Variants in SLC22A14 observed in about 807,000 individuals in gnomAD.
SLC22A14 encodes organic cation transporter-like 4.
SLC22A14 carries 50 observed loss-of-function variants against 53.9 expected under a neutral mutation model. The observed-to-expected ratio is 0.93, with a 90% CI of 0.74 to 1.17. The LOEUF (loss-of-function observed/expected upper bound fraction) is 1.17, where lower values mean the gene tolerates loss of function less well. SLC22A14 is among the 50% of genes most tolerant of loss of function. The pLI, the probability that SLC22A14 is intolerant of heterozygous loss-of-function variation, is 0.00. For missense variants in SLC22A14, 671 were observed against 734.7 expected (o/e 0.91, Z 1.00); for synonymous variants, 312 against 303.0 (o/e 1.03, Z -0.31).
rs1283193965 is a variant in SLC22A14 at position 38,306,188 on chromosome 3, C to T, written c.162C>T (p.Asn54=). 3 of 1,614,070 alleles carry T rather than the reference C, an allele frequency of 1.9e-6. No homozygotes were observed. The highest frequency in any genetic ancestry group is 2.2e-5 in the East Asian group (1 of 44,900). Residue 54 remains asparagine, a synonymous_variant, in exon 2 of 11, where the codon AAC becomes AAT. Transcript: ENST00000448498. ...CCAAGCAGGATGACAAGTTTGCCAA[C>T]CTCCTGGATGCGGTGGGGGAGTTTG... ...VHTKQDDKFA[N]LLDAVGEFGT...
chr3:38,309,256 T>C, intron 5 of SLC22A14, 134 bp downstream of exon 5: 1 of 766,986 alleles, frequency 1.3e-6, no homozygotes, highest in Non-Finnish European at 2.2e-6. Context: ...TGGGATGAGA[T>C]AGGAAGGCAC....
rs569710336 is a variant in SLC22A14 at position 38,286,985 on chromosome 3, C to T, written c.-1+4646C>T. 8.5e-5 allele frequency among the ~76,000 whole-genome samples: 13 copies of T among 152,258 alleles called. No individual in the cohort carries two copies. In the South Asian group the frequency reaches 2.7e-3, roughly 32 times the overall value. On this transcript the variant is annotated intron_variant, in intron 1 of 10. Transcript: ENST00000448498. Reference sequence around the variant, plus strand: ...CTCCTGACCTCAGGTGATCCACCCACCTTGGCCTCCCAAAGTACTGGGATT... The same window carrying T: ...CTCCTGACCTCAGGTGATCCACCCATCTTGGCCTCCCAAAGTACTGGGATT...
At chr3:38,284,995 C>G (rs1011742068) in intron 1 of SLC22A14, among the ~76,000 whole-genome samples, 2 of 152,258 alleles carry the variant, frequency 1.3e-5, no homozygotes, top group East Asian at 3.9e-4. Context: ...AGAAAGACAG[C>G]CTTCTGCACC....
chr3:38,295,709 C>T (rs79929487), intron 1 of SLC22A14, among the ~76,000 whole-genome samples: 9,713 of 151,898 alleles, frequency 0.064, 375 homozygotes, highest in East Asian at 0.16. Flanking sequence ...TTGACTCCCT[C>T]GTTGTCTCTC....
At chr3:38,314,035 A>C in intron 8 of SLC22A14, 94 bp downstream of exon 8, 6 of 1,018,294 alleles carry the variant, frequency 5.9e-6, no homozygotes, top group African/African-American at 1.6e-5. Context: ...CCACCTAGAC[A>C]CCCTGGGAAT....
At chr3:38,318,075 C>T (rs761684909) in intron 10 of SLC22A14, 123 bp from the exon 11 acceptor site, 31 of 834,256 alleles carry the variant, frequency 3.7e-5, no homozygotes, top group Admixed American at 1.6e-4. Flanking sequence ...GGGGACCTGC[C>T]GGAGTGAGAA....
chr3:38,315,042 C>T (rs750464125), intron 8 of SLC22A14, among the ~76,000 whole-genome samples: 1 of 152,230 alleles, frequency 6.6e-6, no homozygotes, highest in Non-Finnish European at 1.5e-5. Context: ...GGGCTTTCCC[C>T]AGTTTCCCCT....
intron 1 of SLC22A14, chr3:38,305,088 G>A (rs1337275998): frequency 6.6e-6 from 1 of 152,150 alleles, no homozygotes; most frequent in Non-Finnish European, 1.5e-5. Context: ...AAAAGTGTCT[G>A]CTTTTTCCTG....
In SLC22A14 at chr3:38,307,644, C is replaced by T. The variant is rs746796831; in HGVS notation, c.699C>T (p.Ser233=). Residue 233 remains serine, a synonymous_variant, in exon 4 of 11, where the codon AGC becomes AGT. Coordinates refer to ENST00000448498, the MANE Select transcript of SLC22A14 (RefSeq NM_001320033.2). The surrounding 1 kb of genome is among the most constrained non-coding windows in gnomAD (Gnocchi z 4.4). ...GCTTTGGGACAGCCTTCATGAACAG[C>T]TTTCACCTGTATTTGTTCTTTCGCT... ...IFGFGTAFMN[S]FHLYLFFRFG... is the part of the protein sequence containing the mutation. 8 of 1,614,124 alleles carry T rather than the reference C, an allele frequency of 5.0e-6. No individual in the cohort carries two copies. Among genetic ancestry groups the T allele is most frequent in the Middle Eastern group, 1.7e-4 (1 of 6,060 alleles).
intron 10 of SLC22A14, among the ~76,000 whole-genome samples, chr3:38,317,158 G>C (rs552090861): frequency 6.6e-6 from 1 of 152,346 alleles, no homozygotes; most frequent in African/African-American, 2.4e-5. Context: ...CTGAGCGCCA[G>C]TGAGGAGCAG....
At chr3:38,303,448 G>A (rs61556017) in intron 1 of SLC22A14, among the ~76,000 whole-genome samples, 9,750 of 151,810 alleles carry the variant, frequency 0.064, 374 homozygotes, top group East Asian at 0.16. Flanking sequence ...TCACTTATTT[G>A]TAAATATTTT....
intron 1 of SLC22A14, among the ~76,000 whole-genome samples, chr3:38,283,279 C>T (rs1385941965): frequency 6.6e-6 from 1 of 152,086 alleles, no homozygotes; most frequent in African/African-American, 2.4e-5. Context: ...ACTTTAACCC[C>T]CCTTGCCATG....
At chr3:38,317,950 T>C (rs543161421) in intron 10 of SLC22A14, among the ~76,000 whole-genome samples, 4 of 152,224 alleles carry the variant, frequency 2.6e-5, no homozygotes, top group African/African-American at 9.6e-5. Flanking sequence ...AAGTGCTCAG[T>C]AAATGCTAGC....
At chr3:38,279,819 A>G (rs1426440431), upstream of SLC22A14, among the ~76,000 whole-genome samples, 1 of 152,080 alleles carries the variant, frequency 6.6e-6, no homozygotes, top group African/African-American at 2.4e-5. Context: ...CTCAAAGGTT[A>G]CGGCAATGGT....
intron 7 of SLC22A14, 27 bp downstream of exon 7, chr3:38,313,512 G>C (rs771760014): frequency 6.6e-7 from 1 of 1,511,076 alleles, no homozygotes; most frequent in Non-Finnish European, 9.2e-7. Context: ...CGCTGGCAGG[G>C]ACTGCGAACA....
chr3:38,316,747 G>C (rs951465235), intron 10 of SLC22A14, among the ~76,000 whole-genome samples: 2 of 152,200 alleles, frequency 1.3e-5, no homozygotes, highest in African/African-American at 4.8e-5. Context: ...TCCTGACCCG[G>C]ACTGGGCCAT....
intron 1 of SLC22A14, among the ~76,000 whole-genome samples, chr3:38,288,178 T>C (rs1575401299): frequency 6.6e-6 from 1 of 152,254 alleles, no homozygotes; most frequent in South Asian, 2.1e-4. Flanking sequence ...CATATAAGTG[T>C]AATCATACAT....
In SLC22A14 at chr3:38,282,869, A is replaced by G. The variant is rs572843470; in HGVS notation, c.-1+530A>G. On this transcript the variant is annotated intron_variant, in intron 1 of 10. Transcript: ENST00000448498. ...CTCCACCCTCTCCAGCCTTACACAC[A>G]TACATCCTGTATTGGTTTCCTATTG... Among the ~76,000 whole-genome samples, 5 of 152,234 alleles carry G rather than the reference A, an allele frequency of 3.3e-5. No homozygotes were observed. The East Asian group carries it at 9.7e-4, about 29-fold the overall frequency.
chr3:38,280,754 C>T (rs1479268921), upstream of SLC22A14, among the ~76,000 whole-genome samples: 5 of 152,128 alleles, frequency 3.3e-5, no homozygotes, highest in Admixed American at 6.5e-5. Context: ...CTCAGCTTCC[C>T]GAGTAACTGG....
Sources: gnomAD v4.1 joint callset for allele counts (sites outside exome capture counted in the v4.1 genomes callset) on GRCh38, gnomAD v4.1.1 for gene constraint, Gnocchi (gnomAD v3.1) non-coding constraint, MANE v1.5 for transcripts, NCBI Gene and HGNC (gene_info 2026-07-23, HGNC 2026-07-21) for gene names.